KIAA1328: variants seen among roughly 807,000 people sequenced by gnomAD.
KIAA1328 encodes KIAA1328, also known as protein hinderin.
A neutral mutation model predicts 68.1 loss-of-function variants in KIAA1328; 52 were observed. The ratio of observed to expected loss-of-function variants is 0.76; its 90% CI spans 0.61 to 0.96. The LOEUF is 0.96. KIAA1328 is among the 40% of genes least tolerant of loss of function. KIAA1328 has a pLI of 0.00. For synonymous variants in KIAA1328, 232 were observed against 239.4 expected (o/e 0.97, Z 0.28); for missense variants, 641 against 677.6 (o/e 0.95, Z 0.60).
In KIAA1328 at chr18:37,219,238, G is replaced by A. The variant is rs1487297450; in HGVS notation, c.1524-2779G>A. 2.0e-5 allele frequency among the ~76,000 whole-genome samples: 3 copies of A among 152,210 alleles called. No homozygotes were observed. The East Asian group carries it at 5.8e-4, about 29-fold the overall frequency. On this transcript the variant is annotated intron_variant, in intron 9 of 9. Transcript: ENST00000280020. ...CAAGGGGCACCCAGCTGTATGAGGT[G>A]TCAGTCGGCCCCTACTGGGAGGTGT...
intron 4 of KIAA1328, among the ~76,000 whole-genome samples, chr18:36,860,616 A>T (rs1172697038): frequency 2.0e-5 from 3 of 152,096 alleles, no homozygotes; most frequent in African/African-American, 7.2e-5. Flanking sequence ...TCTTGGTATA[A>T]ATTATGTTAC....
At position 37,052,582 on chromosome 18, in the gene KIAA1328, T is replaced by TA. The variant is rs1167546433; in HGVS notation, c.577-14298dup. ...TTCACTGACGACATAATCCTATATC[T>TA]AAAAAAAAAACCCTAAAGATTTCTC... is the stretch of plus-strand genomic sequence containing the variant. On this transcript the variant is annotated intron_variant, in intron 6 of 9. Transcript: ENST00000280020. Among the ~76,000 whole-genome samples, 1,252 of 146,310 alleles carry TA rather than the reference T, an allele frequency of 8.6e-3. 12 individuals carry two copies. The highest frequency in any genetic ancestry group is 0.014 in the Non-Finnish European group (926 of 66,114).
chr18:37,187,962 A>G (rs1489232770), intron 9 of KIAA1328, among the ~76,000 whole-genome samples: 2 of 152,164 alleles, frequency 1.3e-5, no homozygotes, highest in African/African-American at 4.8e-5. Flanking sequence ...ACTCACCACA[A>G]ATGGTGTTTA....
intron 9 of KIAA1328, among the ~76,000 whole-genome samples, chr18:37,215,468 C>T (rs1019586068): frequency 6.6e-6 from 1 of 152,056 alleles, no homozygotes; most frequent in Admixed American, 6.6e-5. Context: ...TTGCGTATGT[C>T]GAACCAGCCT....
chr18:36,985,090 G>A (rs765988472), intron 6 of KIAA1328, among the ~76,000 whole-genome samples: 17 of 151,858 alleles, frequency 1.1e-4, no homozygotes, highest in Non-Finnish European at 2.2e-4. Context: ...TTACTTGAGG[G>A]TAGGAGTTCA....
intron 4 of KIAA1328, among the ~76,000 whole-genome samples, chr18:36,851,261 G>A (rs1045174442): frequency 3.3e-5 from 5 of 152,084 alleles, no homozygotes; most frequent in African/African-American, 1.2e-4. Context: ...GATATTGTCT[G>A]TAGTTTTCTT....
At chr18:36,856,325 C>G (rs939207410) in intron 4 of KIAA1328, among the ~76,000 whole-genome samples, 1 of 151,968 alleles carries the variant, frequency 6.6e-6, no homozygotes, top group Non-Finnish European at 1.5e-5. Flanking sequence ...TGTTGATACC[C>G]TCGATGTCAT....
chr18:36,918,663 C>T (rs924315765), intron 5 of KIAA1328, among the ~76,000 whole-genome samples: 2 of 152,120 alleles, frequency 1.3e-5, no homozygotes, highest in Admixed American at 6.5e-5. Flanking sequence ...GATCCTCCTG[C>T]CTTGGCCTCC....
intron 3 of KIAA1328, among the ~76,000 whole-genome samples, chr18:36,838,522 A>T (rs1022931777): frequency 1.3e-4 from 20 of 152,046 alleles, no homozygotes; most frequent in Admixed American, 1.2e-3. Context: ...TTCAAAAGAT[A>T]TTTTTGCTGG....
chr18:36,902,795 C>G (rs569886799), intron 5 of KIAA1328, among the ~76,000 whole-genome samples: 4 of 152,200 alleles, frequency 2.6e-5, no homozygotes, highest in South Asian at 4.1e-4. Context: ...TGAGCTCCAC[C>G]TATTCTACAA....
At chr18:37,115,193 C>T (rs371904525) in intron 7 of KIAA1328, among the ~76,000 whole-genome samples, 5 of 152,104 alleles carry the variant, frequency 3.3e-5, no homozygotes, top group African/African-American at 7.2e-5. Context: ...ATACTAAAGC[C>T]GGGCAGAGGC....
intron 4 of KIAA1328, among the ~76,000 whole-genome samples, chr18:36,855,659 G>GTCTAAATT (rs1239248146): frequency 1.3e-5 from 2 of 151,640 alleles, no homozygotes. Context: ...TTTTGATTAA[G>GTCTAAATT]TCTAAATTCT....
intron 5 of KIAA1328, among the ~76,000 whole-genome samples, chr18:36,927,103 C>T (rs2151132447): frequency 6.6e-6 from 1 of 152,310 alleles, no homozygotes; most frequent in South Asian, 2.1e-4. Context: ...TCCCACCAGG[C>T]TCCACCTTCA....
intron 7 of KIAA1328, among the ~76,000 whole-genome samples, chr18:37,104,586 G>A (rs193159379): frequency 6.6e-6 from 1 of 152,240 alleles, no homozygotes; most frequent in East Asian, 1.9e-4. Flanking sequence ...GCATTCGATA[G>A]CACAGGAGGC....
At chr18:37,100,905 A>G (rs566530151) in intron 7 of KIAA1328, among the ~76,000 whole-genome samples, 6 of 152,224 alleles carry the variant, frequency 3.9e-5, no homozygotes, top group Admixed American at 3.9e-4. Flanking sequence ...TACCCAGGCA[A>G]ACAGGGTCTG....
chr18:36,849,396 C>T (rs564518424), intron 4 of KIAA1328, among the ~76,000 whole-genome samples: 2 of 152,070 alleles, frequency 1.3e-5, no homozygotes, highest in South Asian at 4.1e-4. Flanking sequence ...CCAAAGGAAA[C>T]TATCTGTTCA....
At chr18:37,227,278 T>C (rs532585780), downstream of KIAA1328, among the ~76,000 whole-genome samples, 30 of 152,314 alleles carry the variant, frequency 2.0e-4, no homozygotes, top group African/African-American at 6.5e-4. Flanking sequence ...CGGCAAGTTA[T>C]TTATCTGGAA....
intron 6 of KIAA1328, among the ~76,000 whole-genome samples, chr18:36,997,932 A>T (rs2053453152): frequency 6.6e-6 from 1 of 152,042 alleles, no homozygotes; most frequent in South Asian, 2.1e-4. Context: ...TATGAGAAGG[A>T]TGTGCCTTCC....
downstream of KIAA1328, chr18:37,225,364 A>G (rs929122508): frequency 7.4e-6 from 7 of 951,524 alleles, no homozygotes; most frequent in East Asian, 4.6e-4. Context: ...TGTCCCTTGA[A>G]CATCCCTCAT....
Sources: gnomAD v4.1 joint callset for allele counts (sites outside exome capture counted in the v4.1 genomes callset) on GRCh38, gnomAD v4.1.1 for gene constraint, MANE v1.5 for transcripts, NCBI Gene and HGNC (gene_info 2026-07-23, HGNC 2026-07-21) for gene names.